PCDHGA2: variants seen among roughly 807,000 people sequenced by gnomAD.
PCDHGA2 encodes protocadherin gamma-A2.
A neutral mutation model predicts 59.2 loss-of-function variants in PCDHGA2; 40 were observed. The observed-to-expected ratio is 0.68, with a 90% CI of 0.52 to 0.88. The LOEUF is 0.88. Ranked by LOEUF, PCDHGA2 falls within the 40% of genes least tolerant of loss-of-function variation. PCDHGA2 has a pLI of 0.00. For missense variants in PCDHGA2, 1,226 were observed against 1,204.0 expected (o/e 1.02, Z -0.27); for synonymous variants, 560 against 526.0 (o/e 1.06, Z -0.89).
chr5:141,503,910 G>A (rs1311674998), intron 2 of PCDHGA2, among the ~76,000 whole-genome samples: 1 of 152,062 alleles, frequency 6.6e-6, no homozygotes, highest in Admixed American at 6.6e-5. Flanking sequence ...CACACACAAC[G>A]CAACACACAC....
intron 1 of PCDHGA2, chr5:141,385,485 A>G: frequency 7.1e-7 from 1 of 1,418,146 alleles, no homozygotes; most frequent in Admixed American, 3.0e-5. Flanking sequence ...AATATAGAAC[A>G]CATAGGATAT....
At chr5:141,381,561 A>G (rs1251342749) in intron 1 of PCDHGA2, among the ~76,000 whole-genome samples, 3 of 152,196 alleles carry the variant, frequency 2.0e-5, no homozygotes, top group Non-Finnish European at 4.4e-5. Flanking sequence ...TGAATTGCAT[A>G]ATGAAAAGAA....
intron 1 of PCDHGA2, chr5:141,433,227 T>C (rs1178649427): frequency 6.5e-6 from 10 of 1,528,034 alleles, no homozygotes; most frequent in Non-Finnish European, 8.9e-6. Context: ...TTTTAATTGC[T>C]CTGTCTCCCA....
intron 1 of PCDHGA2, chr5:141,478,451 G>A (rs377597887): frequency 2.5e-6 from 4 of 1,613,440 alleles, no homozygotes; most frequent in African/African-American, 2.7e-5. Context: ...ACCTGGTGCA[G>A]CCAGTCCACT....
At chr5:141,385,018 T>TTCGTCC in intron 1 of PCDHGA2, 1 of 1,614,144 alleles carries the variant, frequency 6.2e-7, no homozygotes, top group Non-Finnish European at 8.5e-7. Flanking sequence ...CTTCCTAGCC[T>TTCGTCC]TCGTCCTCGT....
chr5:141,471,906 G>A (rs1376234079), intron 1 of PCDHGA2, among the ~76,000 whole-genome samples: 2 of 152,192 alleles, frequency 1.3e-5, no homozygotes, highest in African/African-American at 4.8e-5. Context: ...CTACAGACAA[G>A]CATGAGGGAA....
chr5:141,394,290 G>A (rs759077173), intron 1 of PCDHGA2: 11 of 1,613,800 alleles, frequency 6.8e-6, no homozygotes, highest in Non-Finnish European at 8.5e-6. Context: ...CTCTGTGACC[G>A]AGGACACGCT....
chr5:141,414,854 A>C (rs1191943867), intron 1 of PCDHGA2: 3 of 1,614,230 alleles, frequency 1.9e-6, no homozygotes, highest in Non-Finnish European at 2.5e-6. Context: ...CTGGACCAGA[A>C]CGACAATGCG....
At position 141,345,472 on chromosome 5, in the gene PCDHGA2, A is replaced by G. The variant is rs1398174017; in HGVS notation, c.2424+4077A>G. The G allele has an allele frequency of 1.9e-6, 3 of 1,613,942 alleles. No individual in the cohort carries two copies. In the Admixed American group the frequency reaches 5.0e-5, roughly 27 times the overall value. On this transcript the variant is annotated intron_variant, in intron 1 of 3. Transcript: ENST00000394576. ...TTCTCAGTGACAGCCCAGGACCCAG[A>G]TAGCAACAACAACGCCCGCATCACT...
chr5:141,469,376 A>T (rs572466149), intron 1 of PCDHGA2, among the ~76,000 whole-genome samples: 1 of 152,232 alleles, frequency 6.6e-6, no homozygotes, highest in East Asian at 1.9e-4. Flanking sequence ...AGAGATCGAG[A>T]CCATCCTGGC....
At chr5:141,413,570 A>C in intron 1 of PCDHGA2, 1 of 1,613,930 alleles carries the variant, frequency 6.2e-7, no homozygotes. Context: ...GATATCAATG[A>C]CAATGCTCCA....
rs1015821056 is a variant in PCDHGA2 at position 141,397,642 on chromosome 5, T to C, written c.2424+56247T>C. On this transcript the variant is annotated intron_variant, in intron 1 of 3. Coordinates refer to ENST00000394576, the MANE Select transcript of PCDHGA2 (RefSeq NM_018915.4). Reference sequence around the variant, plus strand: ...TAGTTCTAGCTAAGAGTTCAAGGTATGTTTGCAGAATGGTGAAAGAATGGA... The same window carrying C: ...TAGTTCTAGCTAAGAGTTCAAGGTACGTTTGCAGAATGGTGAAAGAATGGA... Among the ~76,000 whole-genome samples, 3 of 152,236 alleles carry C rather than the reference T, an allele frequency of 2.0e-5. No individual in the cohort carries two copies. The East Asian group carries it at 5.8e-4, about 29-fold the overall frequency.
rs948944459 is a variant in PCDHGA2 at position 141,476,485 on chromosome 5, G to T, written c.2425-18322G>T. 1 of 1,614,076 alleles carries T rather than the reference G, an allele frequency of 6.2e-7. No individual in the cohort carries two copies. The highest frequency in any genetic ancestry group is 8.5e-7 in the Non-Finnish European group (1 of 1,180,016). ...CGCTGGAGCTGTTCAGCGTGGAAGT[G>T]GTGATCCAGGACATCAACGACAACA... is the stretch of plus-strand genomic sequence containing the variant. On this transcript the variant is annotated intron_variant, in intron 1 of 3. Coordinates refer to ENST00000394576, the MANE Select transcript of PCDHGA2 (RefSeq NM_018915.4). The surrounding 1 kb of genome is among the most constrained non-coding windows in gnomAD (Gnocchi z 7.6).
intron 1 of PCDHGA2, among the ~76,000 whole-genome samples, chr5:141,349,183 C>T (rs2149751836): frequency 6.6e-6 from 1 of 152,242 alleles, no homozygotes; most frequent in Non-Finnish European, 1.5e-5. Flanking sequence ...GATTCTGCTG[C>T]CTCAACCTCC....
chr5:141,384,670 G>A, intron 1 of PCDHGA2: 1 of 1,614,220 alleles, frequency 6.2e-7, no homozygotes. Context: ...GGTGACCAAG[G>A]TGGTGGCGGT....
chr5:141,389,704 TG>T (rs1341184136), intron 1 of PCDHGA2: 5 of 1,612,632 alleles, frequency 3.1e-6, no homozygotes, highest in Admixed American at 3.3e-5. Context: ...TACCACGTGC[TG>T]CAGGCTAGCG....
chr5:141,392,248 A>G (rs2092491180), intron 1 of PCDHGA2: 3 of 152,220 alleles, frequency 2.0e-5, no homozygotes, highest in Admixed American at 2.0e-4. Flanking sequence ...ATTTGTTAGT[A>G]TATATTGGAG....
intron 1 of PCDHGA2, chr5:141,404,976 T>G (rs373850794): frequency 4.3e-6 from 7 of 1,614,002 alleles, no homozygotes; most frequent in Non-Finnish European, 5.9e-6. Context: ...CTGGCTGACC[T>G]GGGCAGTCTT....
In PCDHGA2 at chr5:141,486,697, C is replaced by T. The variant is rs146956400; in HGVS notation, c.2425-8110C>T. 89 of 1,614,058 alleles carry T rather than the reference C, an allele frequency of 5.5e-5. No homozygotes were observed. Among genetic ancestry groups the T allele is most frequent in the Non-Finnish European group, 7.4e-5 (87 of 1,180,040 alleles). ...GAGATGTATCAGCTTCCTCTTTCAT[C>T]TCTCTGAACCCCCAGACAGGAGCTG... On this transcript the variant is annotated intron_variant, in intron 1 of 3. Coordinates refer to ENST00000394576, the MANE Select transcript of PCDHGA2 (RefSeq NM_018915.4). The surrounding 1 kb of genome is among the most constrained non-coding windows in gnomAD (Gnocchi z 5.0).
Sources: gnomAD v4.1 joint callset for allele counts (sites outside exome capture counted in the v4.1 genomes callset) on GRCh38, gnomAD v4.1.1 for gene constraint, Gnocchi (gnomAD v3.1) non-coding constraint, MANE v1.5 for transcripts, NCBI Gene and HGNC (gene_info 2026-07-23, HGNC 2026-07-21) for gene names.